The following DNAJC1 variants were observed in gnomAD, a reference collection of about 807,000 sequenced individuals.
DNAJC1 encodes DnaJ heat shock protein family (Hsp40) member C1.
DNAJC1 carries 58 observed loss-of-function variants against 76.6 expected under a neutral mutation model. The ratio of observed to expected loss-of-function variants is 0.76; its 90% confidence interval spans 0.61 to 0.94. The LOEUF (loss-of-function observed/expected upper bound fraction) is 0.94, where lower values mean the gene tolerates loss of function less well. Ranked by LOEUF, DNAJC1 falls within the 40% of genes least tolerant of loss-of-function variation. The probability of loss-of-function intolerance (pLI) is 0.00; values close to 1 mark genes in which losing one functional copy is unlikely to be tolerated. For synonymous variants in DNAJC1, 258 were observed against 267.9 expected (o/e 0.96, Z 0.36); for missense variants, 689 against 677.3 (o/e 1.02, Z -0.19).
chr10:21,975,733 A>G (rs1838051113), intron 1 of DNAJC1, among the ~76,000 whole-genome samples: 1 of 152,234 alleles, frequency 6.6e-6, no homozygotes, highest in Non-Finnish European at 1.5e-5. Context: ...TGAATTCTGC[A>G]AATTCCATGA....
intron 3 of DNAJC1, among the ~76,000 whole-genome samples, chr10:21,921,797 T>G (rs969984075): frequency 6.6e-6 from 1 of 152,050 alleles, no homozygotes; most frequent in Non-Finnish European, 1.5e-5. Flanking sequence ...CAACTCAATT[T>G]AAATTTACTT....
chr10:21,818,975 G>T (rs1835116365), intron 8 of DNAJC1, among the ~76,000 whole-genome samples: 1 of 152,104 alleles, frequency 6.6e-6, no homozygotes, highest in Non-Finnish European at 1.5e-5. Context: ...GGAAACCAAA[G>T]TTAGATGCAT....
chr10:21,814,026 A>C (rs1230757199), intron 8 of DNAJC1, among the ~76,000 whole-genome samples: 1 of 152,200 alleles, frequency 6.6e-6, no homozygotes, highest in African/African-American at 2.4e-5. Context: ...GTAAAATCTC[A>C]AACTCTTTAC....
intron 1 of DNAJC1, among the ~76,000 whole-genome samples, chr10:21,963,726 A>G (rs1008369043): frequency 1.3e-5 from 2 of 151,900 alleles, no homozygotes; most frequent in African/African-American, 4.8e-5. Context: ...TAATTTTGTC[A>G]TTTATTTTTT....
At chr10:21,955,881 T>C (rs1184544922) in intron 1 of DNAJC1, among the ~76,000 whole-genome samples, 1 of 152,204 alleles carries the variant, frequency 6.6e-6, no homozygotes, top group Non-Finnish European at 1.5e-5. Context: ...GTCCATCTGT[T>C]TTGCATTGTT....
intron 8 of DNAJC1, among the ~76,000 whole-genome samples, chr10:21,813,231 T>TATATATATATATACAC (rs1554887883): frequency 6.8e-5 from 9 of 131,860 alleles, no homozygotes; most frequent in African/African-American, 2.2e-4. Flanking sequence ...TATATATATA[T>TATATATATATATACAC]ATATATATAT....
intron 1 of DNAJC1, among the ~76,000 whole-genome samples, chr10:21,981,686 C>G (rs1021355560): frequency 6.6e-6 from 1 of 152,072 alleles, no homozygotes; most frequent in Admixed American, 6.6e-5. Flanking sequence ...TCAAAAACAG[C>G]CTTTTCAGCA....
chr10:21,959,771 G>A (rs1391602823), intron 1 of DNAJC1, among the ~76,000 whole-genome samples: 1 of 145,718 alleles, frequency 6.9e-6, no homozygotes, highest in Non-Finnish European at 1.5e-5. Context: ...AGGCGACAGA[G>A]GGAGACTCCA....
At chr10:21,961,192 T>C (rs570267676) in intron 1 of DNAJC1, among the ~76,000 whole-genome samples, 2 of 152,308 alleles carry the variant, frequency 1.3e-5, no homozygotes, top group East Asian at 1.9e-4. Flanking sequence ...AAACACTGAA[T>C]TACCATATGA....
rs756514393 is a variant in DNAJC1, at chr10:21,951,521, TAAAAA to T, written c.223-22385_223-22381del. Among the ~76,000 whole-genome samples the T allele has an allele frequency of 2.5e-4, 36 of 146,778 alleles. 1 individual carries two copies. The Admixed American group carries it at 2.5e-3, about 10-fold the overall frequency. ...GCTTTGTGCTTTATTCGTTTTCCCT[TAAAAA>T]AAAAAAGTTTAACAATGTAAAATTA... On this transcript the variant is annotated intron_variant, in intron 1 of 11. Transcript: ENST00000376980.
chr10:21,988,575 C>T (rs934376653), intron 1 of DNAJC1, among the ~76,000 whole-genome samples: 2 of 152,082 alleles, frequency 1.3e-5, no homozygotes, highest in African/African-American at 4.8e-5. Context: ...AAGGATCACG[C>T]TTAATTCTAT....
intron 1 of DNAJC1, among the ~76,000 whole-genome samples, chr10:21,931,449 A>C (rs551345112): frequency 6.6e-6 from 1 of 152,344 alleles, no homozygotes; most frequent in East Asian, 1.9e-4. Context: ...CATGCTCTAG[A>C]TAAGTTGTAC....
Position 21,775,154 on chromosome 10 carries a change from C to CT in DNAJC1, c.1099-8846dup, listed in dbSNP as rs566226826. 4.1e-4 allele frequency among the ~76,000 whole-genome samples: 62 copies of CT among 151,252 alleles called. No homozygotes were observed. In the South Asian group the frequency reaches 7.6e-3, roughly 18 times the overall value. On this transcript the variant is annotated intron_variant, in intron 9 of 11. Coordinates refer to ENST00000376980, the MANE Select transcript of DNAJC1 (RefSeq NM_022365.4). ...CGCTATTGTCATTTTGCAGCCATAC[C>CT]TTTTTTTTTCTCACTTAAAAGGCAA...
intron 3 of DNAJC1, among the ~76,000 whole-genome samples, chr10:21,926,940 A>G (rs1428613614): frequency 6.6e-6 from 1 of 152,224 alleles, no homozygotes; most frequent in Non-Finnish European, 1.5e-5. Context: ...TTGGTAACTG[A>G]AAGAAATTAC....
chr10:22,003,192 C>T (rs1222886074), intron 1 of DNAJC1, 21 bp downstream of exon 1: 1 of 1,511,610 alleles, frequency 6.6e-7, no homozygotes, highest in Admixed American at 2.1e-5. Flanking sequence ...TCCGCCCGGC[C>T]CCGCGCGCCT....
chr10:21,866,390 G>A (rs1393666782), intron 8 of DNAJC1, among the ~76,000 whole-genome samples: 10 of 151,754 alleles, frequency 6.6e-5, no homozygotes, highest in African/African-American at 1.9e-4. Flanking sequence ...AAGAAAGCTC[G>A]ATTAGTTATA....
chr10:21,822,136 C>G (rs1355892812), intron 8 of DNAJC1, among the ~76,000 whole-genome samples: 2 of 152,060 alleles, frequency 1.3e-5, no homozygotes, highest in Admixed American at 1.3e-4. Context: ...TCTCTTAGAA[C>G]AGACTCATTT....
At position 21,762,085 on chromosome 10, in the gene DNAJC1, C is replaced by T. The variant is rs568970533; in HGVS notation, c.1148-2467G>A. Among the ~76,000 whole-genome samples, 262 of 151,980 alleles carry T rather than the reference C, an allele frequency of 1.7e-3. 2 individuals are homozygous for T. The highest frequency in any genetic ancestry group is 0.01 in the Middle Eastern group (3 of 294). On this transcript the variant is annotated intron_variant, in intron 10 of 11. Transcript: ENST00000376980. ...TCTCGAGGAGCTGGGACTACAGGCA[C>T]GCGCCACCATGCCCAGCTAATTTTT... is the stretch of plus-strand genomic sequence containing the variant.
At chr10:21,979,711 TC>T (rs1241467382) in intron 1 of DNAJC1, among the ~76,000 whole-genome samples, 12 of 151,568 alleles carry the variant, frequency 7.9e-5, no homozygotes, top group Admixed American at 7.2e-4. Context: ...TTATAATTTT[TC>T]TTTTTTTTTT....
Sources: allele counts gnomAD v4.1 joint callset (sites outside exome capture counted in the v4.1 genomes callset), GRCh38; gene constraint gnomAD v4.1.1; transcripts MANE v1.5; gene names NCBI Gene and HGNC (gene_info 2026-07-23, HGNC 2026-07-21).